IGSF11: variants seen among roughly 807,000 people sequenced by gnomAD.
IGSF11 encodes CXADR like 1.
A neutral mutation model predicts 41.0 loss-of-function variants in IGSF11; 22 were observed. That is an observed-to-expected ratio of 0.54 (90% CI 0.38 to 0.77). The LOEUF is 0.77. Among genes scored for constraint, IGSF11 ranks in the 30% least tolerant of loss-of-function variants. The pLI is 0.00. For synonymous variants in IGSF11, 219 were observed against 201.3 expected (o/e 1.09, Z -0.74); for missense variants, 444 against 530.8 (o/e 0.84, Z 1.61).
chr3:119,137,232 T>A (rs879384343), intron 1 of IGSF11, among the ~76,000 whole-genome samples: 1 of 152,078 alleles, frequency 6.6e-6, no homozygotes, highest in Non-Finnish European at 1.5e-5. Context: ...TCCTCAAATT[T>A]ATATGGAACA....
At chr3:118,913,280 G>T (rs1940587194) in intron 4 of IGSF11, among the ~76,000 whole-genome samples, 1 of 152,106 alleles carries the variant, frequency 6.6e-6, no homozygotes, top group Non-Finnish European at 1.5e-5. Context: ...TAAGGACAGA[G>T]ATTTTTCCAG....
chr3:118,916,168 A>T (rs1487874192), intron 4 of IGSF11, among the ~76,000 whole-genome samples: 1 of 151,080 alleles, frequency 6.6e-6, no homozygotes, highest in African/African-American at 2.4e-5. Context: ...AAATGTAAAG[A>T]CCATCGAGAC....
intron 1 of IGSF11, among the ~76,000 whole-genome samples, chr3:119,061,100 T>C (rs895488316): frequency 6.6e-5 from 10 of 152,146 alleles, no homozygotes; most frequent in African/African-American, 2.4e-4. Flanking sequence ...AAAAGATACT[T>C]TTAATTCAAA....
chr3:119,015,835 C>A (rs527322198), intron 1 of IGSF11, among the ~76,000 whole-genome samples: 1 of 152,130 alleles, frequency 6.6e-6, no homozygotes, highest in African/African-American at 2.4e-5. Flanking sequence ...TGGTGCCTGA[C>A]GTCCATCACT....
intron 1 of IGSF11, among the ~76,000 whole-genome samples, chr3:118,961,369 C>A (rs1208661319): frequency 6.6e-6 from 1 of 152,172 alleles, no homozygotes; most frequent in Non-Finnish European, 1.5e-5. Flanking sequence ...TACATCCCCA[C>A]CATACTTATT....
chr3:119,001,463 T>C (rs147175391), intron 1 of IGSF11, among the ~76,000 whole-genome samples: 3,381 of 123,300 alleles, frequency 0.027, 135 homozygotes, highest in African/African-American at 0.13. Flanking sequence ...TGGCCCCAGG[T>C]TTTCTTTTTT....
At chr3:118,988,535 C>G (rs1441255842) in intron 1 of IGSF11, among the ~76,000 whole-genome samples, 1 of 152,084 alleles carries the variant, frequency 6.6e-6, no homozygotes, top group Admixed American at 6.6e-5. Flanking sequence ...ATATGACTTT[C>G]AAAACTGCAG....
chr3:119,108,926 C>A (rs1473354215), upstream of IGSF11, among the ~76,000 whole-genome samples: 15 of 132,172 alleles, frequency 1.1e-4, no homozygotes, highest in African/African-American at 3.9e-4. Flanking sequence ...GCCTTGCATC[C>A]CAGGGATGAA....
chr3:119,066,194 G>A (rs1461923315), intron 1 of IGSF11, among the ~76,000 whole-genome samples: 2 of 152,084 alleles, frequency 1.3e-5, no homozygotes, highest in African/African-American at 2.4e-5. Context: ...ACTGATCCAG[G>A]ATGATCTTAT....
chr3:119,116,021 A>G (rs2077251564), intron 1 of IGSF11, among the ~76,000 whole-genome samples: 1 of 152,202 alleles, frequency 6.6e-6, no homozygotes. Context: ...CTAAACAATA[A>G]AAATATGAGC....
At chr3:118,904,942 G>C (rs909272357) in intron 5 of IGSF11, 144 bp from the exon 6 acceptor site, 27 of 648,662 alleles carry the variant, frequency 4.2e-5, no homozygotes, top group Non-Finnish European at 6.2e-5. Context: ...TCTATATAAA[G>C]TTAAACCTCA....
At chr3:119,122,195 C>G (rs1381817879) in intron 1 of IGSF11, among the ~76,000 whole-genome samples, 1 of 152,198 alleles carries the variant, frequency 6.6e-6, no homozygotes, top group Admixed American at 6.5e-5. Flanking sequence ...TACCCCTTCC[C>G]AAACTCCTGG....
intron 1 of IGSF11, among the ~76,000 whole-genome samples, chr3:119,130,460 G>T (rs981294572): frequency 6.6e-6 from 1 of 152,168 alleles, no homozygotes; most frequent in African/African-American, 2.4e-5. Flanking sequence ...CACTGCTAGC[G>T]CAGCAGTCTG....
chr3:119,002,316 GTTGT>G (rs1293813129), intron 1 of IGSF11, among the ~76,000 whole-genome samples: 50 of 150,250 alleles, frequency 3.3e-4, no homozygotes, highest in African/African-American at 5.2e-4. Flanking sequence ...TTTTGATGGG[GTTGT>G]TTGTTTTTTT....
chr3:119,109,118 A>C (rs1430708448), upstream of IGSF11, among the ~76,000 whole-genome samples: 46 of 138,892 alleles, frequency 3.3e-4, no homozygotes, highest in Non-Finnish European at 2.1e-4. Flanking sequence ...TGAGTTAGGG[A>C]GGATTCCCTC....
At chr3:118,979,395 C>G (rs1934470183) in intron 1 of IGSF11, among the ~76,000 whole-genome samples, 1 of 152,064 alleles carries the variant, frequency 6.6e-6, no homozygotes, top group East Asian at 1.9e-4. Context: ...CATCCAGATA[C>G]AGAAGTTCAG....
intron 1 of IGSF11, among the ~76,000 whole-genome samples, chr3:119,008,802 G>A (rs2107689523): frequency 6.6e-6 from 1 of 152,246 alleles, no homozygotes; most frequent in African/African-American, 2.4e-5. Flanking sequence ...TAAGTCATTG[G>A]ACTGAGTACA....
At chr3:118,943,641 T>C (rs1426626416) in intron 1 of IGSF11, among the ~76,000 whole-genome samples, 3 of 152,338 alleles carry the variant, frequency 2.0e-5, no homozygotes, top group African/African-American at 7.2e-5. Context: ...ACTTGGATAA[T>C]GAATAGGGTG....
intron 4 of IGSF11, among the ~76,000 whole-genome samples, chr3:118,913,511 AT>A (rs2107492434): frequency 6.6e-6 from 1 of 152,352 alleles, no homozygotes; most frequent in African/African-American, 2.4e-5. Flanking sequence ...ACATTTTCAA[AT>A]TCTTGAGAAA....
Sources: allele counts gnomAD v4.1 joint callset (sites outside exome capture counted in the v4.1 genomes callset), GRCh38; gene constraint gnomAD v4.1.1; transcripts MANE v1.5; gene names NCBI Gene and HGNC (gene_info 2026-07-23, HGNC 2026-07-21).